The following TCOF1 variants were observed in gnomAD, a reference collection of about 807,000 sequenced individuals.
TCOF1 encodes treacle protein.
TCOF1 carries 33 observed loss-of-function variants against 149.0 expected under a neutral mutation model. The observed-to-expected ratio is 0.22, with a 90% confidence interval of 0.17 to 0.30. The LOEUF (loss-of-function observed/expected upper bound fraction) is 0.30. TCOF1 is among the 10% of genes least tolerant of loss of function. The pLI, the probability that TCOF1 is intolerant of heterozygous loss-of-function variation, is 1.00. For missense variants in TCOF1, 1,728 were observed against 1,840.7 expected, an observed-to-expected ratio of 0.94 and a Z score of 1.12; for synonymous variants, 789 against 738.8, an observed-to-expected ratio of 1.07 and a Z score of -1.10.
At position 150,391,541 on chromosome 5, in the gene TCOF1, C is replaced by T. The variant is rs762404923; in HGVS notation, c.3184-3C>T. 4.3e-6 allele frequency: 7 copies of T among 1,611,624 alleles called. No homozygotes were observed. Among genetic ancestry groups the T allele is most frequent in the Non-Finnish European group, 5.9e-6 (7 of 1,177,868 alleles). On this transcript the variant is annotated splice_region_variant and splice_polypyrimidine_tract_variant and intron_variant, in intron 19 of 26. Transcript: ENST00000643257. ...TCTGAGGGCTACCTCTTGCCACCCA[C>T]AGGTGTCAAAGAAGAACCCAGCTTC...
chr5:150,387,853 T>A, intron 17 of TCOF1, 49 bp from the exon 18 acceptor site: 2 of 1,612,594 alleles, frequency 1.2e-6, no homozygotes, highest in Non-Finnish European at 1.7e-6. Flanking sequence ...CTCCTTTCCC[T>A]GGCCAAGCCT....
chr5:150,385,673 C>T (rs375254949), intron 17 of TCOF1, among the ~76,000 whole-genome samples: 45 of 152,308 alleles, frequency 3.0e-4, no homozygotes, highest in African/African-American at 1.1e-3. Flanking sequence ...AATGAAGGCA[C>T]AGTTAGAATG....
At chr5:150,361,968 C>G (rs1399547802) in intron 2 of TCOF1, among the ~76,000 whole-genome samples, 3 of 152,064 alleles carry the variant, frequency 2.0e-5, no homozygotes, top group Admixed American at 6.5e-5. Context: ...GAGGAGATTG[C>G]TCTGCACCAT....
chr5:150,371,916 A>C, intron 6 of TCOF1, 90 bp from the exon 7 acceptor site: 1 of 1,159,004 alleles, frequency 8.6e-7, no homozygotes, highest in Non-Finnish European at 1.3e-6. Flanking sequence ...ATTAGGAAAG[A>C]GCTTTATCAA....
chr5:150,391,148 G>A (rs1030086176), intron 19 of TCOF1, among the ~76,000 whole-genome samples: 8 of 152,180 alleles, frequency 5.3e-5, no homozygotes, highest in African/African-American at 1.7e-4. Flanking sequence ...CTGGGGGAGA[G>A]GAGATGAGCC....
At chr5:150,374,484 C>G in intron 8 of TCOF1, 98 bp downstream of exon 8, 1 of 1,549,268 alleles carries the variant, frequency 6.5e-7, no homozygotes, top group South Asian at 1.2e-5. Flanking sequence ...CCCGGGCGTG[C>G]CTCAGACCCC....
intron 3 of TCOF1, among the ~76,000 whole-genome samples, chr5:150,365,388 A>C (rs527474525): frequency 3.8e-4 from 58 of 151,436 alleles, no homozygotes; most frequent in Non-Finnish European, 7.8e-4. Flanking sequence ...GATATATATT[A>C]TATATCGCTT....
intron 3 of TCOF1, among the ~76,000 whole-genome samples, chr5:150,364,614 T>C (rs183960821): frequency 6.6e-5 from 10 of 152,298 alleles, no homozygotes; most frequent in African/African-American, 2.2e-4. Context: ...GCGGACACAT[T>C]TTCTGTGTGA....
intron 21 of TCOF1, 167 bp downstream of exon 21, chr5:150,392,343 C>T (rs1767618383): frequency 1.4e-6 from 1 of 706,976 alleles, no homozygotes; most frequent in South Asian, 1.9e-5. Context: ...GAAGTCAATC[C>T]AAATGATTTC....
intron 6 of TCOF1, among the ~76,000 whole-genome samples, chr5:150,371,020 T>C (rs1762418665): frequency 6.6e-6 from 1 of 152,122 alleles, no homozygotes; most frequent in Non-Finnish European, 1.5e-5. Flanking sequence ...TGGAGGGCAG[T>C]GCAGAATAAA....
At chr5:150,398,513 A>G in intron 25 of TCOF1, 62 bp downstream of exon 25, 1 of 1,611,942 alleles carries the variant, frequency 6.2e-7, no homozygotes, top group Non-Finnish European at 8.5e-7. Context: ...CCCCTCCTAC[A>G]CACCCAGACC....
At chr5:150,359,871 T>A (rs1759631249) in intron 1 of TCOF1, among the ~76,000 whole-genome samples, 1 of 152,144 alleles carries the variant, frequency 6.6e-6, no homozygotes, top group African/African-American at 2.4e-5. Flanking sequence ...ATGTCAGACT[T>A]CGATTATAAG....
chr5:150,399,584 G>T (rs762314485), intron 26 of TCOF1, among the ~76,000 whole-genome samples: 1 of 152,168 alleles, frequency 6.6e-6, no homozygotes, highest in Non-Finnish European at 1.5e-5. Context: ...CCAGCCTCCT[G>T]TAAATGGGGG....
Position 150,396,535 on chromosome 5 carries a change from C to T in TCOF1, c.4038C>T (p.Arg1346=). 1.2e-6 allele frequency: 2 copies of T among 1,602,020 alleles called. No individual in the cohort carries two copies. Among genetic ancestry groups the T allele is most frequent in the South Asian group, 1.1e-5 (1 of 89,948 alleles). ...GCAGCAGGAAGGGCTGGGAGAGCCGCAAGCGGAAGCTATCGGGAGACCAGC... is the reference window on the plus strand; with the variant it reads ...GCAGCAGGAAGGGCTGGGAGAGCCGTAAGCGGAAGCTATCGGGAGACCAGC... ...KESSRKGWES[R]KRKLSGDQPA... is the part of the protein sequence containing the mutation. Residue 1346 remains arginine (R), a synonymous_variant, in exon 24 of 27, where the codon CGC becomes CGT. Coordinates refer to ENST00000643257, the MANE Select transcript of TCOF1 (RefSeq NM_001371623.1).
At chr5:150,396,171 G>A (rs1388813976) in intron 23 of TCOF1, 111 bp from the exon 24 acceptor site, 2 of 1,242,974 alleles carry the variant, frequency 1.6e-6, no homozygotes, top group Non-Finnish European at 2.4e-6. Flanking sequence ...CCCCATCTGT[G>A]CCATTGTAAG....
At chr5:150,384,704 C>T (rs895539079) in intron 17 of TCOF1, 31 of 985,356 alleles carry the variant, frequency 3.1e-5, no homozygotes, top group Non-Finnish European at 3.5e-5. Flanking sequence ...AAGAAGTCAG[C>T]GGTTTGTACA....
At chr5:150,360,278 T>C (rs760715592) in intron 1 of TCOF1, among the ~76,000 whole-genome samples, 1 of 152,214 alleles carries the variant, frequency 6.6e-6, no homozygotes, top group Non-Finnish European at 1.5e-5. Context: ...GTACTTGATA[T>C]CCTGGCTTAT....
chr5:150,367,198 A>G (rs983330111), intron 3 of TCOF1, among the ~76,000 whole-genome samples: 1 of 152,196 alleles, frequency 6.6e-6, no homozygotes, highest in Non-Finnish European at 1.5e-5. Context: ...CCAGCTACTC[A>G]GGAGGCTGAG....
intron 13 of TCOF1, 40 bp downstream of exon 13, chr5:150,376,370 C>T: frequency 5.6e-6 from 9 of 1,614,154 alleles, no homozygotes; most frequent in Non-Finnish European, 7.6e-6. Flanking sequence ...AGGGCCGCCC[C>T]TACGTGGTCC....
Sources: allele counts gnomAD v4.1 joint callset (sites outside exome capture counted in the v4.1 genomes callset), GRCh38; gene constraint gnomAD v4.1.1; transcripts MANE v1.5; gene names NCBI Gene and HGNC (gene_info 2026-07-23, HGNC 2026-07-21).